TRIM5: variants seen among roughly 807,000 people sequenced by gnomAD.
TRIM5 encodes tripartite motif containing 5.
In TRIM5, 31 loss-of-function variants were observed where a neutral mutation model predicts 35.6. The observed-to-expected ratio is 0.87, with a 90% CI of 0.65 to 1.18. TRIM5 has a LOEUF of 1.18. TRIM5 is among the 50% of genes most tolerant of loss of function. The pLI is 0.00. For synonymous variants in TRIM5, 243 were observed against 215.6 expected, an observed-to-expected ratio of 1.13 and a Z score of -1.11; for missense variants, 609 against 591.6, an observed-to-expected ratio of 1.03 and a Z score of -0.31.
At chr11:5,589,940 G>C in the TRIM5 span, 1 of 153,764 alleles carries the variant, frequency 6.5e-6, no homozygotes, top group Admixed American at 6.5e-5. Flanking sequence ...GGAGTTCCGG[G>C]TGGGCGTGGG....
chr11:5,603,316 A>G, the TRIM5 span: 1 of 1,614,000 alleles, frequency 6.2e-7, no homozygotes, highest in East Asian at 2.2e-5. Context: ...AGCTACAATG[A>G]CTTCACCAGT....
chr11:5,625,696 G>T, the TRIM5 span, among the ~76,000 whole-genome samples: 279 of 137,774 alleles, frequency 2.0e-3, no homozygotes, highest in African/African-American at 7.4e-3. Flanking sequence ...TGTTCCCTCT[G>T]TTCCTATGTC....
the TRIM5 span, chr11:5,641,343 T>C: frequency 6.7e-7 from 1 of 1,503,420 alleles, no homozygotes; most frequent in Non-Finnish European, 8.9e-7. Context: ...CGATGAGTAT[T>C]TGAGTGTTCC....
the TRIM5 span, among the ~76,000 whole-genome samples, chr11:5,646,459 G>A: frequency 7.9e-5 from 12 of 152,010 alleles, no homozygotes; most frequent in South Asian, 2.1e-4. Context: ...TTCCATCTAC[G>A]CCTAGAAACT....
At chr11:5,650,704 C>T in the TRIM5 span, among the ~76,000 whole-genome samples, 1 of 152,166 alleles carries the variant, frequency 6.6e-6, no homozygotes, top group African/African-American at 2.4e-5. Flanking sequence ...TGTGCACATC[C>T]AAATTTGTTG....
chr11:5,607,821 TGCTGGTGTATATATTAATCAAAATCATAA>T, the TRIM5 span, among the ~76,000 whole-genome samples: 1 of 152,204 alleles, frequency 6.6e-6, no homozygotes, highest in African/African-American at 2.4e-5. Flanking sequence ...GTGACATATT[TGCTGGTGTATATATTAATCAAAATCATAA>T]GGAAAGGGGG....
At chr11:5,593,547 A>G in the TRIM5 span, among the ~76,000 whole-genome samples, 1 of 152,088 alleles carries the variant, frequency 6.6e-6, no homozygotes, top group African/African-American at 2.4e-5. Context: ...TTTTATCACT[A>G]TTTGGCTATG....
At chr11:5,630,435 G>C in the TRIM5 span, among the ~76,000 whole-genome samples, 9 of 152,196 alleles carry the variant, frequency 5.9e-5, no homozygotes, top group South Asian at 1.9e-3. Flanking sequence ...GAAAGAGACT[G>C]TCACTTTTAC....
the TRIM5 span, among the ~76,000 whole-genome samples, chr11:5,604,068 T>C: frequency 6.6e-6 from 1 of 152,142 alleles, no homozygotes; most frequent in Non-Finnish European, 1.5e-5. Context: ...CGATCCCGGC[T>C]CACTGCAACC....
Position 5,680,002 on chromosome 11 carries a change from C to G in TRIM5, c.176G>C (p.Arg59Pro), listed in dbSNP as rs200209793. 1.2e-6 allele frequency: 2 copies of G among 1,614,052 alleles called. No individual in the cohort carries two copies. Among genetic ancestry groups the G allele is most frequent in the Non-Finnish European group, 1.7e-6 (2 of 1,179,986 alleles). The change falls in exon 2 of 8, where the codon CGG becomes CCG. Residue 59 changes from arginine to proline, a missense_variant. By Grantham distance (103) the Arg-to-Pro change is moderately radical. Transcript: ENST00000380034. Reference sequence around the variant, plus strand: ...TATGTTCTCAGGCTGGTAACTGATCCGGCACACAGGGCAGCTACTCTCTCC... The same window carrying G: ...TATGTTCTCAGGCTGGTAACTGATCGGGCACACAGGGCAGCTACTCTCTCC... ...DKGESSCPVC[R>P]ISYQPENIRP...
chr11:5,625,779 T>C, the TRIM5 span, among the ~76,000 whole-genome samples: 125 of 152,366 alleles, frequency 8.2e-4, no homozygotes, highest in African/African-American at 2.9e-3. Context: ...GTAACCCATG[T>C]GCTACCAGCG....
At chr11:5,638,123 T>C in the TRIM5 span, among the ~76,000 whole-genome samples, 1 of 152,250 alleles carries the variant, frequency 6.6e-6, no homozygotes, top group Admixed American at 6.5e-5. Context: ...TATTTTAAGT[T>C]GGACATCTGA....
chr11:5,681,829 T>TTCCA (rs1554938090), intron 1 of TRIM5, among the ~76,000 whole-genome samples: 26 of 151,900 alleles, frequency 1.7e-4, no homozygotes, highest in South Asian at 8.3e-4. Context: ...GACGGAGTCT[T>TTCCA]GCTCTGTCGC....
the TRIM5 span, among the ~76,000 whole-genome samples, chr11:5,615,570 GT>G: frequency 8.7e-6 from 1 of 115,290 alleles, no homozygotes; most frequent in South Asian, 2.6e-4. Context: ...CAGCTTTCTT[GT>G]TTTTTGTTTT....
Position 5,680,214 on chromosome 11 carries a change from T to C in TRIM5, c.-37A>G. The C allele has an allele frequency of 1.3e-6, 2 of 1,542,422 alleles. No homozygotes were observed. Among genetic ancestry groups the C allele is most frequent in the Non-Finnish European group, 1.8e-6 (2 of 1,142,570 alleles). ...CACTGCTCCTGCCTGTCCTGGCTGCTGAGGTTCCTCTTGTTCACAGATCCC... is the reference window on the plus strand; with the variant it reads ...CACTGCTCCTGCCTGTCCTGGCTGCCGAGGTTCCTCTTGTTCACAGATCCC... On this transcript the variant is annotated 5_prime_UTR_variant, in exon 2 of 8. Transcript: ENST00000380034.
At chr11:5,632,253 A>C in the TRIM5 span, 1 of 1,592,194 alleles carries the variant, frequency 6.3e-7, no homozygotes, top group South Asian at 1.1e-5. Context: ...CAATCTTCTC[A>C]GCCATCCAGG....
intron 4 of TRIM5, among the ~76,000 whole-genome samples, chr11:5,668,179 T>C (rs1407697206): frequency 6.6e-6 from 1 of 151,898 alleles, no homozygotes; most frequent in Non-Finnish European, 1.5e-5. Flanking sequence ...GAAGATGAGG[T>C]GGGAGAATTT....
At chr11:5,656,379 A>T in the TRIM5 span, among the ~76,000 whole-genome samples, 4 of 146,228 alleles carry the variant, frequency 2.7e-5, no homozygotes, top group African/African-American at 1.0e-4. Context: ...TTTGAGAAAG[A>T]GTTTTGCTCT....
intron 4 of TRIM5, among the ~76,000 whole-genome samples, chr11:5,675,206 TA>T (rs74863906): frequency 0.14 from 16,418 of 119,152 alleles, 963 homozygotes; most frequent in African/African-American, 0.22. Context: ...TTTTTTGTAT[TA>T]TTTTTTTTCA....
Sources: gnomAD v4.1 joint callset for allele counts (sites outside exome capture counted in the v4.1 genomes callset) on GRCh38, gnomAD v4.1.1 for gene constraint, MANE v1.5 for transcripts, NCBI Gene and HGNC (gene_info 2026-07-23, HGNC 2026-07-21) for gene names.